RAB31: variants seen among roughly 807,000 people sequenced by gnomAD.
The protein encoded by RAB31 is ras-related protein Rab-31.
Under a neutral mutation model 25.6 loss-of-function variants are expected in RAB31, and 21 were observed. The observed-to-expected ratio is 0.82, with a 90% CI of 0.58 to 1.18. RAB31 has a LOEUF of 1.18. Among genes scored for constraint, RAB31 ranks in the 50% most tolerant of loss-of-function variants. The probability of loss-of-function intolerance (pLI) is 0.00; values close to 1 mark genes in which losing one functional copy is unlikely to be tolerated. For missense variants in RAB31, 196 were observed against 250.1 expected, an observed-to-expected ratio of 0.78 and a Z score of 1.46; for synonymous variants, 87 against 84.0, an observed-to-expected ratio of 1.04 and a Z score of -0.20.
intron 3 of RAB31, among the ~76,000 whole-genome samples, chr18:9,803,447 T>C (rs1425620574): frequency 6.6e-6 from 1 of 152,120 alleles, no homozygotes; most frequent in African/African-American, 2.4e-5. Context: ...CTCACTATAC[T>C]GTCCAGGCTG....
At chr18:9,802,369 G>T (rs1332781230) in intron 3 of RAB31, among the ~76,000 whole-genome samples, 1 of 152,162 alleles carries the variant, frequency 6.6e-6, no homozygotes, top group Non-Finnish European at 1.5e-5. Flanking sequence ...TGACCTCAGA[G>T]AAAAAATTTT....
At chr18:9,789,024 A>G (rs2068447093) in intron 2 of RAB31, among the ~76,000 whole-genome samples, 1 of 152,220 alleles carries the variant, frequency 6.6e-6, no homozygotes, top group Non-Finnish European at 1.5e-5. Flanking sequence ...TGTGGTATAT[A>G]TACACACTGG....
At chr18:9,733,593 A>G (rs946950177) in intron 1 of RAB31, among the ~76,000 whole-genome samples, 8 of 152,168 alleles carry the variant, frequency 5.3e-5, no homozygotes, top group Admixed American at 4.6e-4. Context: ...ACCCAATCCA[A>G]ACTCCAAGCC....
chr18:9,708,452 C>T lies in RAB31; in HGVS notation c.39+8C>T, dbSNP rs1344358890. The T allele has an allele frequency of 2.6e-6, 4 of 1,562,652 alleles. No homozygotes were observed. The African/African-American group carries it at 5.7e-5, about 22-fold the overall frequency. ...AAAGTGTGCCTTCTCGGGGTGAGTC[C>T]TGGCCGCCACCCGCCGGCGGACCCC... On this transcript the variant is annotated splice_region_variant and intron_variant, in intron 1 of 6. Transcript: ENST00000578921. This position sits in a 1 kb window ranked among gnomAD's most constrained non-coding sequence, Gnocchi z 6.4.
rs1055902240 is a variant in RAB31 at position 9,748,816 on chromosome 18, G to A, written c.40-26462G>A. ...TGAGGCAAGAGAATCACTTGAACCCGGGAGGTGGAGGTTGCAGTGAGCCGA... is the reference window on the plus strand; with the variant it reads ...TGAGGCAAGAGAATCACTTGAACCCAGGAGGTGGAGGTTGCAGTGAGCCGA... On this transcript the variant is annotated intron_variant, in intron 1 of 6. Transcript: ENST00000578921. Among the ~76,000 whole-genome samples the A allele has an allele frequency of 4.6e-5, 7 of 151,526 alleles. No individual in the cohort carries two copies. In the South Asian group the frequency reaches 6.3e-4, roughly 14 times the overall value.
At chr18:9,823,208 A>G (rs1327362567) in intron 5 of RAB31, among the ~76,000 whole-genome samples, 1 of 151,952 alleles carries the variant, frequency 6.6e-6, no homozygotes, top group Non-Finnish European at 1.5e-5. Context: ...TTAGAAATAG[A>G]GGATAGATTA....
At chr18:9,859,155 C>A in intron 6 of RAB31, 73 bp from the exon 7 acceptor site, 2 of 1,285,528 alleles carry the variant, frequency 1.6e-6, no homozygotes, top group Non-Finnish European at 1.1e-6. Flanking sequence ...AGTGTTGAAG[C>A]AGGGTGAAAA....
Position 9,859,407 on chromosome 18 carries a change from C to T in RAB31, c.*82C>T. 2 of 1,234,878 alleles carry T rather than the reference C, an allele frequency of 1.6e-6. No homozygotes were observed. The highest frequency in any genetic ancestry group is 3.0e-5 in the African/African-American group (2 of 66,160). 76.5% of individuals were successfully genotyped at this position (1,234,878 alleles called of 1,614,324 possible). A position where few individuals can be genotyped will look rare whatever the true frequency, so the allele number is the denominator to read the frequency against. ...GCTGAAGGACCCTACGCTCGGTGGCCTGGCACCTCACTTTGAGAAGAGTGA... is the reference window on the plus strand; with the variant it reads ...GCTGAAGGACCCTACGCTCGGTGGCTTGGCACCTCACTTTGAGAAGAGTGA... On this transcript the variant is annotated 3_prime_UTR_variant, in exon 7 of 7. Transcript: ENST00000578921.
chr18:9,840,999 C>T (rs1356545615), intron 5 of RAB31, among the ~76,000 whole-genome samples: 1 of 152,144 alleles, frequency 6.6e-6, no homozygotes, highest in Non-Finnish European at 1.5e-5. Context: ...ACAATCATAG[C>T]TCACTGCAGC....
At chr18:9,783,374 C>T (rs1323534059) in intron 2 of RAB31, among the ~76,000 whole-genome samples, 1 of 151,998 alleles carries the variant, frequency 6.6e-6, no homozygotes, top group Non-Finnish European at 1.5e-5. Flanking sequence ...ATTTTGGTTC[C>T]CCCCCCTTAC....
At chr18:9,811,255 G>A (rs188090686) in intron 3 of RAB31, among the ~76,000 whole-genome samples, 1 of 152,256 alleles carries the variant, frequency 6.6e-6, no homozygotes, top group East Asian at 1.9e-4. Context: ...TCTGAAACCC[G>A]CAGAGGCTCC....
intron 1 of RAB31, among the ~76,000 whole-genome samples, chr18:9,729,739 A>G (rs562836770): frequency 8.5e-4 from 120 of 141,372 alleles, no homozygotes; most frequent in Non-Finnish European, 1.6e-3. Context: ...CTGACATGTT[A>G]TCTTTGTCAT....
At chr18:9,743,303 C>A (rs1746759864) in intron 1 of RAB31, among the ~76,000 whole-genome samples, 1 of 152,132 alleles carries the variant, frequency 6.6e-6, no homozygotes, top group Non-Finnish European at 1.5e-5. Flanking sequence ...AGCTATAAAA[C>A]AATATGTGTG....
chr18:9,826,809 G>A (rs1205191530), intron 5 of RAB31, among the ~76,000 whole-genome samples: 1 of 151,826 alleles, frequency 6.6e-6, no homozygotes, highest in Non-Finnish European at 1.5e-5. Context: ...GGACCTGCAG[G>A]TATTTCAGGA....
chr18:9,801,649 C>G (rs1433438746), intron 3 of RAB31, among the ~76,000 whole-genome samples: 1 of 152,162 alleles, frequency 6.6e-6, no homozygotes, highest in Non-Finnish European at 1.5e-5. Context: ...TATGGTAACT[C>G]TATGACTAGC....
chr18:9,800,290 T>A (rs2068507422), intron 3 of RAB31, among the ~76,000 whole-genome samples: 1 of 152,174 alleles, frequency 6.6e-6, no homozygotes, highest in South Asian at 2.1e-4. Context: ...GACCAACTTC[T>A]TCCAACCTGA....
rs148243412 is a variant in RAB31, at chr18:9,807,834, C to T, written c.202-6186C>T. On this transcript the variant is annotated intron_variant, in intron 3 of 6. Transcript: ENST00000578921. ...ATAAAAACTTAAAAAAAAACTTAAC[C>T]GGATATGGTGGCACACACCTGTAGT... 3.8e-3 allele frequency among the ~76,000 whole-genome samples: 578 copies of T among 152,022 alleles called. 4 individuals are homozygous for T. The highest frequency in any genetic ancestry group is 0.013 in the African/African-American group (539 of 41,458).
rs2068113484 is a variant in RAB31 at position 9,729,788 on chromosome 18, C to A, written c.39+21344C>A. On this transcript the variant is annotated intron_variant, in intron 1 of 6. Transcript: ENST00000578921. ...ATGTGTATGTGTGTCTGTTTTTGGACTCTATGTTCTATTAAAATTTTAATT... is the reference window on the plus strand; with the variant it reads ...ATGTGTATGTGTGTCTGTTTTTGGAATCTATGTTCTATTAAAATTTTAATT... 1.3e-5 allele frequency among the ~76,000 whole-genome samples: 2 copies of A among 151,924 alleles called. 1 individual carries two copies. Among genetic ancestry groups the A allele is most frequent in the South Asian group, 4.1e-4 (2 of 4,824 alleles).
intron 1 of RAB31, among the ~76,000 whole-genome samples, chr18:9,712,095 C>G (rs1047583341): frequency 6.6e-6 from 1 of 152,216 alleles, no homozygotes; most frequent in Non-Finnish European, 1.5e-5. Context: ...TCTTCTTTAC[C>G]TGAACCTCTC....
Sources: gnomAD v4.1 joint callset for allele counts (sites outside exome capture counted in the v4.1 genomes callset) on GRCh38, gnomAD v4.1.1 for gene constraint, Gnocchi (gnomAD v3.1) non-coding constraint, MANE v1.5 for transcripts, NCBI Gene and HGNC (gene_info 2026-07-23, HGNC 2026-07-21) for gene names.